Variants in FNIP1 observed in about 807,000 individuals in gnomAD.
FNIP1 encodes folliculin-interacting protein 1.
In FNIP1, 40 loss-of-function variants were observed where a neutral mutation model predicts 124.5. The observed-to-expected ratio is 0.32, with a 90% CI of 0.25 to 0.42. The LOEUF is 0.42. FNIP1 is among the 10% of genes least tolerant of loss of function. The pLI is 1.00. For synonymous variants in FNIP1, 472 were observed against 470.6 expected (o/e 1.00, Z -0.04); for missense variants, 1,176 against 1,403.7 (o/e 0.84, Z 2.59).
At chr5:131,684,755 TG>T (rs1200757462) in intron 11 of FNIP1, among the ~76,000 whole-genome samples, 1 of 152,220 alleles carries the variant, frequency 6.6e-6, no homozygotes, top group Non-Finnish European at 1.5e-5. Flanking sequence ...ACTGTTCTGG[TG>T]ACTTCAGCTG....
At chr5:131,789,849 G>A (rs897218094) in intron 1 of FNIP1, among the ~76,000 whole-genome samples, 7 of 150,612 alleles carry the variant, frequency 4.6e-5, no homozygotes, top group African/African-American at 1.2e-4. Context: ...GAAGCCCTCC[G>A]TCCTTTCCAC....
intron 6 of FNIP1, among the ~76,000 whole-genome samples, chr5:131,712,124 A>C (rs1019066857): frequency 6.6e-6 from 1 of 152,048 alleles, no homozygotes; most frequent in Non-Finnish European, 1.5e-5. Context: ...CTTCCTGCCT[A>C]AGCTGTCATG....
At chr5:131,737,584 C>T (rs1401701641) in intron 2 of FNIP1, among the ~76,000 whole-genome samples, 5 of 152,126 alleles carry the variant, frequency 3.3e-5, no homozygotes, top group Non-Finnish European at 5.9e-5. Flanking sequence ...TAAATGAAGT[C>T]CTTTCATGGC....
chr5:131,791,673 T>C (rs1405854662), intron 1 of FNIP1, among the ~76,000 whole-genome samples: 1 of 152,198 alleles, frequency 6.6e-6, no homozygotes, highest in Non-Finnish European at 1.5e-5. Context: ...AGGGCTGTTA[T>C]AGAATAAAAT....
At chr5:131,721,815 T>C (rs529807334) in intron 3 of FNIP1, among the ~76,000 whole-genome samples, 3 of 152,058 alleles carry the variant, frequency 2.0e-5, no homozygotes, top group African/African-American at 7.2e-5. Context: ...TAATGTCTTG[T>C]TTCCAAAGAA....
chr5:131,647,215 G>C lies in FNIP1; in HGVS notation c.3307-10C>G, dbSNP rs1766911934. 2 of 1,604,996 alleles carry C rather than the reference G, an allele frequency of 1.2e-6. No individual in the cohort carries two copies. The highest frequency in any genetic ancestry group is 1.3e-5 in the African/African-American group (1 of 74,700). ...CAAGATGCATTACACACTGCAGTTAGGGAGGAACCAAGAACCAGGTCAGAA... is the reference window on the plus strand; with the variant it reads ...CAAGATGCATTACACACTGCAGTTACGGAGGAACCAAGAACCAGGTCAGAA... On this transcript the variant is annotated splice_polypyrimidine_tract_variant and intron_variant, in intron 16 of 17. Transcript: ENST00000510461.
chr5:131,659,920 G>T (rs938436519), intron 15 of FNIP1, among the ~76,000 whole-genome samples: 1 of 152,196 alleles, frequency 6.6e-6, no homozygotes, highest in Non-Finnish European at 1.5e-5. Context: ...GTACTTCAGG[G>T]TCATGATACC....
chr5:131,750,068 T>C (rs1194760220), intron 1 of FNIP1, among the ~76,000 whole-genome samples: 1 of 152,216 alleles, frequency 6.6e-6, no homozygotes, highest in Admixed American at 6.5e-5. Context: ...ATGTACTGGC[T>C]GCAAACTACA....
intron 15 of FNIP1, among the ~76,000 whole-genome samples, chr5:131,654,362 T>G (rs1038404901): frequency 6.6e-6 from 1 of 152,186 alleles, no homozygotes; most frequent in Admixed American, 6.5e-5. Context: ...CTGAGACCAA[T>G]GGCTTTTCCT....
At chr5:131,757,723 G>C (rs1479529373) in intron 1 of FNIP1, among the ~76,000 whole-genome samples, 1 of 152,142 alleles carries the variant, frequency 6.6e-6, no homozygotes, top group Non-Finnish European at 1.5e-5. Flanking sequence ...GGCAGCATAG[G>C]CATTATTAGA....
intron 1 of FNIP1, among the ~76,000 whole-genome samples, chr5:131,789,490 G>A (rs1016964982): frequency 2.6e-5 from 4 of 152,066 alleles, no homozygotes; most frequent in Admixed American, 2.6e-4. Flanking sequence ...CGGCACTACA[G>A]AATATTTATC....
intron 11 of FNIP1, among the ~76,000 whole-genome samples, chr5:131,698,702 A>G (rs879340931): frequency 1.3e-5 from 2 of 152,210 alleles, no homozygotes; most frequent in Admixed American, 1.3e-4. Context: ...CAAATGGCCC[A>G]ATACTGAAAA....
intron 11 of FNIP1, among the ~76,000 whole-genome samples, chr5:131,684,118 G>A (rs1272593906): frequency 2.0e-5 from 3 of 152,070 alleles, no homozygotes; most frequent in South Asian, 2.1e-4. Context: ...TAACAGCAAA[G>A]TCACTAACAA....
At position 131,671,684 on chromosome 5, in the gene FNIP1, A is replaced by G. The variant is rs1051629226; in HGVS notation, c.2760T>C (p.Ser920=). The change falls in exon 14 of 18, where the codon AGT becomes AGC. Residue 920 remains serine (S), a synonymous_variant. Transcript: ENST00000510461. ...SILVPHGDKE[S]SDKKIAVGTE... Reference sequence around the variant, plus strand: ...TTCCTACAGCAATTTTTTTATCTGAACTCTCTTTATCCCCATGGGGGACAA... The same window carrying G: ...TTCCTACAGCAATTTTTTTATCTGAGCTCTCTTTATCCCCATGGGGGACAA... 1 of 1,613,872 alleles carries G rather than the reference A, an allele frequency of 6.2e-7. No individual in the cohort carries two copies. Among genetic ancestry groups the G allele is most frequent in the Middle Eastern group, 1.6e-4 (1 of 6,084 alleles).
intron 17 of FNIP1, 67 bp downstream of exon 17, chr5:131,647,023 T>G (rs1766904137): frequency 7.2e-7 from 1 of 1,388,928 alleles, no homozygotes; most frequent in East Asian, 2.3e-5. Context: ...AGGGCAATTC[T>G]GAGGAAAATT....
intron 1 of FNIP1, among the ~76,000 whole-genome samples, chr5:131,788,623 C>G (rs904887826): frequency 3.3e-5 from 5 of 150,968 alleles, no homozygotes; most frequent in Non-Finnish European, 7.4e-5. Context: ...ATTGCTTGAA[C>G]CCGGGAGGCA....
chr5:131,778,240 C>A (rs1284438409), intron 1 of FNIP1, among the ~76,000 whole-genome samples: 4 of 152,096 alleles, frequency 2.6e-5, no homozygotes, highest in African/African-American at 9.7e-5. Context: ...ATGACATTGT[C>A]TTGGGAAACA....
At chr5:131,706,694 T>TTGTA (rs1769125142) in intron 8 of FNIP1, 148 bp from the exon 9 acceptor site, 2 of 809,112 alleles carry the variant, frequency 2.5e-6, no homozygotes, top group Non-Finnish European at 3.6e-6. Flanking sequence ...CACATCCTTC[T>TTGTA]TGTAGCAAGG....
intron 6 of FNIP1, among the ~76,000 whole-genome samples, chr5:131,714,063 C>T (rs193179039): frequency 1.3e-5 from 2 of 152,308 alleles, no homozygotes; most frequent in African/African-American, 4.8e-5. Flanking sequence ...TTAAGAACAC[C>T]TGCTGAAATC....
Sources: gnomAD v4.1 joint callset for allele counts (sites outside exome capture counted in the v4.1 genomes callset) on GRCh38, gnomAD v4.1.1 for gene constraint, MANE v1.5 for transcripts, NCBI Gene and HGNC (gene_info 2026-07-23, HGNC 2026-07-21) for gene names.